Variants in BOC observed in about 807,000 individuals in gnomAD.
The protein encoded by BOC is brother of CDO.
Under a neutral mutation model 112.0 loss-of-function variants are expected in BOC, and 76 were observed. The ratio of observed to expected loss-of-function variants is 0.68; its 90% CI spans 0.56 to 0.82. BOC has a LOEUF of 0.82. Among genes scored for constraint, BOC ranks in the 40% least tolerant of loss-of-function variants. The pLI is 0.00. For synonymous variants in BOC, 580 were observed against 599.8 expected (o/e 0.97, Z 0.48); for missense variants, 1,309 against 1,511.7 (o/e 0.87, Z 2.22).
At chr3:113,252,985 T>C (rs1945818991) in intron 4 of BOC, among the ~76,000 whole-genome samples, 1 of 152,182 alleles carries the variant, frequency 6.6e-6, no homozygotes, top group African/African-American at 2.4e-5. Context: ...AGGTCAGAAC[T>C]ACGTTTCCTA....
chr3:113,272,197 C>T (rs1948189848), intron 6 of BOC: 2 of 596,448 alleles, frequency 3.4e-6, no homozygotes, highest in Admixed American at 5.9e-5. Context: ...TCATTTCTTA[C>T]TCATAACAGC....
At chr3:113,269,118 C>T (rs1947833518) in intron 5 of BOC, among the ~76,000 whole-genome samples, 1 of 152,230 alleles carries the variant, frequency 6.6e-6, no homozygotes. Context: ...CTAATAAGCC[C>T]ATTCATGGAG....
intron 9 of BOC, among the ~76,000 whole-genome samples, chr3:113,275,559 A>G (rs1948578745): frequency 6.6e-6 from 1 of 152,248 alleles, no homozygotes; most frequent in Admixed American, 6.5e-5. Context: ...TTCTAAGGCC[A>G]TTTGATAGTA....
At chr3:113,243,246 A>G (rs1944524276) in intron 2 of BOC, among the ~76,000 whole-genome samples, 1 of 152,254 alleles carries the variant, frequency 6.6e-6, no homozygotes, top group Non-Finnish European at 1.5e-5. Context: ...GCAAACAGGA[A>G]GAAAACAGCA....
At position 113,273,286 on chromosome 3, in the gene BOC, C is replaced by T. The variant is rs770082083; in HGVS notation, c.1179C>T (p.Ala393=). The change falls in exon 8 of 20, where the codon GCC becomes GCT. Residue 393 remains alanine, a synonymous_variant. Transcript: ENST00000682979. Reference sequence around the variant, plus strand: ...ACGAAGGCGTCTACCAGTGCATGGCCGAGAACGAGGTTGGGAGCGCCCATG... The same window carrying T: ...ACGAAGGCGTCTACCAGTGCATGGCTGAGAACGAGGTTGGGAGCGCCCATG... ...PEDEGVYQCM[A]ENEVGSAHAV... The T allele has an allele frequency of 6.2e-6, 10 of 1,606,332 alleles. No homozygotes were observed. The highest frequency in any genetic ancestry group is 5.0e-5 in the Admixed American group (3 of 59,868).
intron 15 of BOC, 140 bp downstream of exon 15, chr3:113,281,293 T>G (rs1466466533): frequency 1.9e-5 from 20 of 1,031,202 alleles, no homozygotes; most frequent in Non-Finnish European, 2.6e-5. Flanking sequence ...GACTTGGTCA[T>G]GTTTCACTCT....
rs1375849432 is a variant in BOC at position 113,283,625 on chromosome 3, T to C, written c.2649T>C (p.Ser883=). ...FIPFCLWRAW[S]KQKHTTDLGF... The stretch of plus-strand genomic sequence containing the variant: ...CCTTCTGCTTGTGGAGGGCCTGGTC[T>C]AAGCAAAGTGAGTGAGTGACGCTTT... The change falls in exon 16 of 20, where the codon TCT becomes TCC. Residue 883 remains serine (S), a synonymous_variant. Transcript: ENST00000682979. 1 of 1,613,260 alleles carries C rather than the reference T, an allele frequency of 6.2e-7. No individual in the cohort carries two copies. The highest frequency in any genetic ancestry group is 8.5e-7 in the Non-Finnish European group (1 of 1,179,644).
intron 4 of BOC, among the ~76,000 whole-genome samples, chr3:113,259,546 A>C (rs1946588834): frequency 6.6e-6 from 1 of 152,186 alleles, no homozygotes; most frequent in Admixed American, 6.5e-5. Context: ...ACAGCTTCAC[A>C]CCTCAGCATC....
At position 113,273,220 on chromosome 3, in the gene BOC, C is replaced by G; in HGVS notation, c.1113C>G (p.Leu371=). 6.2e-7 allele frequency: 1 copy of G among 1,613,746 alleles called. No homozygotes were observed. Among genetic ancestry groups the G allele is most frequent in the Non-Finnish European group, 8.5e-7 (1 of 1,180,014 alleles). The change falls in exon 8 of 20, where the codon CTC becomes CTG. Residue 371 remains leucine (L), a synonymous_variant. Transcript: ENST00000682979. ...VPLISSQRLR[L]SRRALRVLSM... Reference sequence around the variant, plus strand: ...TCATCTCCAGCCAGCGCCTCCGGCTCTCCCGCAGGGCCCTGCGCGTGCTCA... The same window carrying G: ...TCATCTCCAGCCAGCGCCTCCGGCTGTCCCGCAGGGCCCTGCGCGTGCTCA...
In BOC at chr3:113,284,805, G is replaced by A. The variant is rs1222053353; in HGVS notation, c.2913G>A (p.Leu971=). 6.2e-7 allele frequency: 1 copy of A among 1,614,130 alleles called. No homozygotes were observed. The highest frequency in any genetic ancestry group is 8.5e-7 in the Non-Finnish European group (1 of 1,180,034). Reference sequence around the variant, plus strand: ...AGCAGAGTGACACCAGCAGCCTGCTGAGGCAGACCCATCTTGGCAATGGAT... The same window carrying A: ...AGCAGAGTGACACCAGCAGCCTGCTAAGGCAGACCCATCTTGGCAATGGAT... ...LQQQSDTSSL[L]RQTHLGNGYD... Residue 971 remains leucine (L), a synonymous_variant, in exon 18 of 20, where the codon CTG becomes CTA. Transcript: ENST00000682979.
At chr3:113,245,601 T>C (rs1344008728) in intron 2 of BOC, among the ~76,000 whole-genome samples, 1 of 152,142 alleles carries the variant, frequency 6.6e-6, no homozygotes, top group East Asian at 1.9e-4. Flanking sequence ...TTAAGACAAT[T>C]GGGAAAGGTG....
chr3:113,256,439 A>AAGCTCCTGTGGGTTCAC (rs1946232917), intron 4 of BOC, among the ~76,000 whole-genome samples: 1 of 152,332 alleles, frequency 6.6e-6, no homozygotes, highest in South Asian at 2.1e-4. Context: ...CTGCTCACTG[A>AAGCTCCTGTGGGTTCAC]TGCTCCTGTG....
At chr3:113,281,434 T>C (rs1949190921) in intron 15 of BOC, among the ~76,000 whole-genome samples, 1 of 152,226 alleles carries the variant, frequency 6.6e-6, no homozygotes, top group South Asian at 2.1e-4. Context: ...AAATACTTTA[T>C]TCCTGCAATG....
intron 2 of BOC, among the ~76,000 whole-genome samples, chr3:113,245,666 AT>A (rs925285922): frequency 1.3e-5 from 2 of 152,136 alleles, no homozygotes; most frequent in Non-Finnish European, 2.9e-5. Flanking sequence ...TTGGAGCAGG[AT>A]TTTTTTCTTT....
Position 113,279,862 on chromosome 3 carries a change from C to A in BOC, c.2062C>A (p.Leu688Met). The A allele has an allele frequency of 6.2e-7, 1 of 1,613,012 alleles. No individual in the cohort carries two copies. The highest frequency in any genetic ancestry group is 1.1e-5 in the South Asian group (1 of 90,922). ...YKFRVRALNM[L>M]GESEPSAPSR... is the part of the protein sequence containing the mutation. ...GTTTCGAGTCCGGGCTCTGAACATG[C>A]TGGGGGAGAGCGAGCCCAGCGCCCC... Residue 688 changes from leucine to methionine, a missense_variant, in exon 13 of 20, where the codon CTG (leucine) becomes ATG (methionine). Physicochemically the swap from Leu to Met is conservative, Grantham distance 15. Transcript: ENST00000682979.
chr3:113,279,517 G>A, intron 12 of BOC, 62 bp downstream of exon 12: 1 of 1,505,752 alleles, frequency 6.6e-7, no homozygotes, highest in Non-Finnish European at 9.0e-7. Context: ...TCCGCCTGGA[G>A]GAGGATGACG....
chr3:113,268,009 A>C (rs1947687766), intron 4 of BOC, among the ~76,000 whole-genome samples: 1 of 151,916 alleles, frequency 6.6e-6, no homozygotes, highest in African/African-American at 2.4e-5. Flanking sequence ...ACTTGCCCCC[A>C]CATCTCAGTG....
intron 4 of BOC, among the ~76,000 whole-genome samples, chr3:113,253,723 TATG>T (rs1170482624): frequency 6.6e-6 from 1 of 152,122 alleles, no homozygotes. Context: ...CACCAGTACT[TATG>T]ATCGTAATTA....
chr3:113,285,570 G>T lies in BOC; in HGVS notation c.3160+5G>T, dbSNP rs1949600602. On this transcript the variant is annotated splice_donor_5th_base_variant and intron_variant, in intron 19 of 19. Transcript: ENST00000682979. Reference sequence around the variant, plus strand: ...GGGACCCTCCATTTCACTCAGGTTGGTTCCAGGAGCAGGGCAGGGAAATTA... The same window carrying T: ...GGGACCCTCCATTTCACTCAGGTTGTTTCCAGGAGCAGGGCAGGGAAATTA... 6.4e-7 allele frequency: 1 copy of T among 1,567,934 alleles called. No homozygotes were observed. Among genetic ancestry groups the T allele is most frequent in the Non-Finnish European group, 8.6e-7 (1 of 1,156,086 alleles).
Sources: allele counts gnomAD v4.1 joint callset (sites outside exome capture counted in the v4.1 genomes callset), GRCh38; gene constraint gnomAD v4.1.1; transcripts MANE v1.5; gene names NCBI Gene and HGNC (gene_info 2026-07-23, HGNC 2026-07-21).